The following ADTRP variants were observed in gnomAD, a reference collection of about 807,000 sequenced individuals.
ADTRP encodes androgen-dependent TFPI-regulating protein.
In ADTRP, 20 loss-of-function variants were observed where a neutral mutation model predicts 27.0. That is an observed-to-expected ratio of 0.74 (90% confidence interval 0.52 to 1.08). ADTRP has a LOEUF of 1.08. Among genes scored for constraint, ADTRP ranks in the 50% least tolerant of loss-of-function variants. The pLI, the probability that ADTRP is intolerant of heterozygous loss-of-function variation, is 0.00. For synonymous variants in ADTRP, 101 were observed against 105.2 expected, an observed-to-expected ratio of 0.96 and a Z score of 0.25; for missense variants, 251 against 275.0, an observed-to-expected ratio of 0.91 and a Z score of 0.62.
chr6:11,725,899 C>CAGAAAAAA (rs572698204), intron 4 of ADTRP, among the ~76,000 whole-genome samples: 1 of 89,942 alleles, frequency 1.1e-5, no homozygotes, highest in Non-Finnish European at 2.1e-5. Flanking sequence ...GACTCTATCT[C>CAGAAAAAA]AAAAAAAAAA....
At position 11,735,640 on chromosome 6, in the gene ADTRP, C is replaced by G. The variant is rs1418235793; in HGVS notation, c.434G>C (p.Arg145Thr). The G allele has an allele frequency of 6.2e-7, 1 of 1,614,080 alleles. No individual in the cohort carries two copies. Among genetic ancestry groups the G allele is most frequent in the African/African-American group, 1.3e-5 (1 of 75,016 alleles). ...CTTCTTTGATGGATAGGAGTGAGGC[C>G]TGAGGACGACTTCAGCCAATGTGAT... is the stretch of plus-strand genomic sequence containing the variant. ...FPITLAEVVLRPHSYPSKKTG... is the reference protein window; with the variant it reads ...FPITLAEVVLTPHSYPSKKTG... Residue 145 changes from arginine to threonine, a missense_variant, in exon 4 of 6, where the codon AGG becomes ACG. Physicochemically the swap from Arg to Thr is moderately conservative, Grantham distance 71. Coordinates refer to ENST00000414691, the MANE Select transcript of ADTRP (RefSeq NM_032744.4).
At position 11,770,189 on chromosome 6, in the gene ADTRP, G is replaced by A. The variant is rs764604122; in HGVS notation, c.154-1806C>T. On this transcript the variant is annotated intron_variant, in intron 1 of 5. Coordinates refer to ENST00000414691, the MANE Select transcript of ADTRP (RefSeq NM_032744.4). ...GACAATTATCTCCAGGTGGGAGAAT[G>A]AACGACCACTTCACAAACCACCGCT... 781 of 1,087,190 alleles carry A rather than the reference G, an allele frequency of 7.2e-4. 3 individuals are homozygous for A. Among genetic ancestry groups the A allele is most frequent in the Non-Finnish European group, 9.2e-4 (678 of 737,156 alleles). The allele number at this position is 1,087,190 out of a possible 1,614,324, so 67.3% of individuals were successfully genotyped here. A position where few individuals can be genotyped will look rare whatever the true frequency, so the allele number is the denominator to read the frequency against.
At chr6:11,764,562 A>C (rs1306790781) in intron 3 of ADTRP, among the ~76,000 whole-genome samples, 1 of 151,540 alleles carries the variant, frequency 6.6e-6, no homozygotes, top group Non-Finnish European at 1.5e-5. Flanking sequence ...TTTTTTAAGT[A>C]AGAATTCACA....
chr6:11,723,247 C>A (rs1046239941), intron 5 of ADTRP, 102 bp downstream of exon 5: 87 of 1,451,332 alleles, frequency 6.0e-5, no homozygotes, highest in Non-Finnish European at 7.2e-5. Context: ...CAGTAAGCAT[C>A]ATTGCTTCTG....
intron 3 of ADTRP, among the ~76,000 whole-genome samples, chr6:11,756,591 A>T (rs1763222117): frequency 6.6e-6 from 1 of 152,234 alleles, no homozygotes. Flanking sequence ...TTTAATTAAC[A>T]GTGAGTTAAG....
At chr6:11,741,415 A>G (rs1762711282) in intron 3 of ADTRP, among the ~76,000 whole-genome samples, 1 of 152,248 alleles carries the variant, frequency 6.6e-6, no homozygotes, top group East Asian at 1.9e-4. Context: ...TGGGGGAAAC[A>G]TGAATAGTCT....
At chr6:11,751,965 T>G (rs943412236) in intron 3 of ADTRP, among the ~76,000 whole-genome samples, 1 of 152,230 alleles carries the variant, frequency 6.6e-6, no homozygotes, top group Admixed American at 6.5e-5. Context: ...GGTTAATTTT[T>G]GGGTCTTCTT....
intron 1 of ADTRP, among the ~76,000 whole-genome samples, chr6:11,770,962 C>A (rs75403061): frequency 7.2e-4 from 109 of 152,322 alleles, no homozygotes; most frequent in African/African-American, 2.6e-3. Flanking sequence ...CCAGGCCTTC[C>A]CTCTCTGGGG....
At chr6:11,743,527 T>G (rs1389425528) in intron 3 of ADTRP, among the ~76,000 whole-genome samples, 1 of 152,162 alleles carries the variant, frequency 6.6e-6, no homozygotes, top group African/African-American at 2.4e-5. Context: ...GGCCCTTAGC[T>G]GAATCCTGAA....
intron 3 of ADTRP, among the ~76,000 whole-genome samples, chr6:11,752,517 A>G (rs550247577): frequency 6.6e-6 from 1 of 152,300 alleles, no homozygotes; most frequent in East Asian, 1.9e-4. Flanking sequence ...TGAAAAGGGA[A>G]GGGCAGTGAA....
At chr6:11,769,217 G>A (rs569733921) in intron 1 of ADTRP, among the ~76,000 whole-genome samples, 6 of 152,258 alleles carry the variant, frequency 3.9e-5, no homozygotes, top group South Asian at 2.1e-4. Context: ...TTAGGCTTGC[G>A]ACAGAATCCA....
At chr6:11,718,135 C>T (rs1334796177) in intron 5 of ADTRP, among the ~76,000 whole-genome samples, 1 of 152,224 alleles carries the variant, frequency 6.6e-6, no homozygotes, top group Non-Finnish European at 1.5e-5. Context: ...ACTCCCAGCG[C>T]CACTTGGCCA....
At chr6:11,717,455 A>C in intron 5 of ADTRP, 1 of 1,297,556 alleles carries the variant, frequency 7.7e-7, no homozygotes, top group Non-Finnish European at 1.0e-6. Context: ...AATCAACATC[A>C]CCATAGATAC....
At chr6:11,727,827 G>A (rs930149176) in intron 4 of ADTRP, among the ~76,000 whole-genome samples, 1 of 151,914 alleles carries the variant, frequency 6.6e-6, no homozygotes, top group African/African-American at 2.4e-5. Context: ...AGGCGTGAAT[G>A]AGGACAGAGT....
intron 3 of ADTRP, among the ~76,000 whole-genome samples, chr6:11,758,389 C>T (rs991994892): frequency 3.3e-5 from 5 of 152,068 alleles, no homozygotes; most frequent in African/African-American, 4.8e-5. Flanking sequence ...TGTGTAGCTA[C>T]GTGAAACACA....
intron 3 of ADTRP, among the ~76,000 whole-genome samples, chr6:11,757,033 T>C (rs1034313466): frequency 6.6e-6 from 1 of 152,206 alleles, no homozygotes; most frequent in Non-Finnish European, 1.5e-5. Context: ...ACAAAGATAA[T>C]GAATGTTGTA....
At chr6:11,718,469 T>A (rs1220862706) in intron 5 of ADTRP, among the ~76,000 whole-genome samples, 1 of 152,128 alleles carries the variant, frequency 6.6e-6, no homozygotes, top group Non-Finnish European at 1.5e-5. Context: ...ATTAAGCACA[T>A]AAGGGGCAGA....
chr6:11,719,357 A>G (rs1228518768), intron 5 of ADTRP, among the ~76,000 whole-genome samples: 3 of 152,196 alleles, frequency 2.0e-5, no homozygotes, highest in African/African-American at 7.2e-5. Flanking sequence ...AGGCCTATAC[A>G]GGTTTGAGAA....
intron 3 of ADTRP, among the ~76,000 whole-genome samples, chr6:11,764,667 C>T (rs992479400): frequency 3.9e-5 from 6 of 151,984 alleles, no homozygotes; most frequent in Admixed American, 3.9e-4. Flanking sequence ...GGACTTACTG[C>T]AGCAAAAGGC....
Sources: gnomAD v4.1 joint callset for allele counts (sites outside exome capture counted in the v4.1 genomes callset) on GRCh38, gnomAD v4.1.1 for gene constraint, MANE v1.5 for transcripts, NCBI Gene and HGNC (gene_info 2026-07-23, HGNC 2026-07-21) for gene names.